ZNF385B: variants seen among roughly 807,000 people sequenced by gnomAD.
ZNF385B encodes the protein zinc finger protein 385B, also known as zinc finger protein 533.
Under a neutral mutation model 39.2 loss-of-function variants are expected in ZNF385B, and 23 were observed. The observed-to-expected ratio is 0.59, with a 90% CI of 0.42 to 0.83. ZNF385B has a LOEUF of 0.83. Among genes scored for constraint, ZNF385B ranks in the 40% least tolerant of loss-of-function variants. The probability of loss-of-function intolerance (pLI) is 0.00; values close to 1 mark genes in which losing one functional copy is unlikely to be tolerated. For missense variants in ZNF385B, 552 were observed against 598.9 expected (o/e 0.92, Z 0.82); for synonymous variants, 205 against 222.6 (o/e 0.92, Z 0.70).
At chr2:179,466,943 A>AG (rs1425241300) in intron 6 of ZNF385B, among the ~76,000 whole-genome samples, 8 of 146,010 alleles carry the variant, frequency 5.5e-5, no homozygotes, top group Non-Finnish European at 9.0e-5. Flanking sequence ...AAAAAAAAAA[A>AG]AGAGAGAGAG....
At chr2:179,642,681 T>A (rs1224461790) in intron 3 of ZNF385B, among the ~76,000 whole-genome samples, 5 of 152,186 alleles carry the variant, frequency 3.3e-5, no homozygotes, top group African/African-American at 1.2e-4. Context: ...AAAACAATAG[T>A]GTGTAAAACT....
intron 3 of ZNF385B, among the ~76,000 whole-genome samples, chr2:179,647,128 A>G (rs1692787683): frequency 1.3e-5 from 2 of 152,144 alleles, no homozygotes; most frequent in South Asian, 4.1e-4. Context: ...GCAAACTTCT[A>G]TTGCAGTCTG....
intron 1 of ZNF385B, among the ~76,000 whole-genome samples, chr2:179,810,576 A>G (rs182225779): frequency 2.9e-4 from 44 of 152,158 alleles, no homozygotes; most frequent in African/African-American, 9.1e-4. Context: ...ATGTAAATAA[A>G]TATGGATCCA....
At chr2:179,576,308 A>G (rs1352803314) in intron 3 of ZNF385B, 1 of 404,338 alleles carries the variant, frequency 2.5e-6, no homozygotes, top group Non-Finnish European at 3.3e-6. Context: ...TCTACTTAGA[A>G]TCCTTTTTTT....
intron 6 of ZNF385B, among the ~76,000 whole-genome samples, chr2:179,463,195 C>T (rs1161041552): frequency 6.6e-6 from 1 of 152,026 alleles, no homozygotes; most frequent in African/African-American, 2.4e-5. Context: ...CCTACCATTG[C>T]TCCAAATCTC....
At chr2:179,799,450 T>C (rs1705892778) in intron 1 of ZNF385B, among the ~76,000 whole-genome samples, 1 of 152,054 alleles carries the variant, frequency 6.6e-6, no homozygotes, top group South Asian at 2.1e-4. Flanking sequence ...CAGGAACAAA[T>C]ATTCCATTGA....
intron 3 of ZNF385B, among the ~76,000 whole-genome samples, chr2:179,735,595 CA>C (rs1701695621): frequency 6.9e-6 from 1 of 144,384 alleles, no homozygotes; most frequent in Non-Finnish European, 1.5e-5. Flanking sequence ...ATGTTTATTG[CA>C]GCATTATTCA....
chr2:179,454,895 A>C (rs542093506), intron 6 of ZNF385B, among the ~76,000 whole-genome samples: 1 of 152,340 alleles, frequency 6.6e-6, no homozygotes, highest in African/African-American at 2.4e-5. Flanking sequence ...ATAAAGTAAA[A>C]AGGTTACATT....
chr2:179,446,396 C>G (rs1281218574), intron 7 of ZNF385B, 129 bp downstream of exon 7: 2 of 1,299,614 alleles, frequency 1.5e-6, no homozygotes, highest in Non-Finnish European at 2.1e-6. Context: ...TAAAATCACT[C>G]CTTTGAATCA....
At chr2:179,829,725 C>T (rs368297893) in intron 1 of ZNF385B, among the ~76,000 whole-genome samples, 3 of 152,022 alleles carry the variant, frequency 2.0e-5, no homozygotes, top group East Asian at 1.9e-4. Flanking sequence ...GTGTTAGCCA[C>T]GATGGTCTCG....
chr2:179,470,356 G>T (rs534623720), intron 6 of ZNF385B, among the ~76,000 whole-genome samples: 1 of 152,290 alleles, frequency 6.6e-6, no homozygotes, highest in African/African-American at 2.4e-5. Context: ...TGCTCTGGCT[G>T]GAAAAGAAAA....
At chr2:179,592,334 A>G (rs755981205) in intron 3 of ZNF385B, among the ~76,000 whole-genome samples, 8 of 152,198 alleles carry the variant, frequency 5.3e-5, no homozygotes, top group African/African-American at 1.2e-4. Flanking sequence ...TTTATAACTC[A>G]TAAGTATAGC....
chr2:179,691,852 A>T (rs1698381090), intron 3 of ZNF385B, among the ~76,000 whole-genome samples: 1 of 149,058 alleles, frequency 6.7e-6, no homozygotes, highest in African/African-American at 2.6e-5. Context: ...TATTTTTTTA[A>T]AAAAATATTT....
intron 3 of ZNF385B, among the ~76,000 whole-genome samples, chr2:179,671,287 T>C (rs902842409): frequency 2.0e-4 from 30 of 152,304 alleles, no homozygotes; most frequent in Admixed American, 7.8e-4. Context: ...CTCAAAAATA[T>C]TCTCTTTTTC....
At chr2:179,701,747 G>A (rs966172905) in intron 3 of ZNF385B, among the ~76,000 whole-genome samples, 3 of 152,164 alleles carry the variant, frequency 2.0e-5, no homozygotes, top group African/African-American at 7.2e-5. Flanking sequence ...AGGTGCCTTT[G>A]CTGGGTACCT....
At position 179,541,240 on chromosome 2, in the gene ZNF385B, G is replaced by A. The variant is rs2059902173; in HGVS notation, c.441+3587C>T. On this transcript the variant is annotated intron_variant, in intron 4 of 9. Transcript: ENST00000410066. ...ATTTTTACATACATATGCATTGAGA[G>A]AGATTCTGTCAGTTGTGGTGCATAA... Among the ~76,000 whole-genome samples, 3 of 152,120 alleles carry A rather than the reference G, an allele frequency of 2.0e-5. No homozygotes were observed. The South Asian group carries it at 6.2e-4, about 32-fold the overall frequency.
chr2:179,450,489 A>G (rs2050001229), intron 6 of ZNF385B, among the ~76,000 whole-genome samples: 1 of 152,242 alleles, frequency 6.6e-6, no homozygotes, highest in Non-Finnish European at 1.5e-5. Flanking sequence ...GCCAAAAGAC[A>G]AATGAAAAAA....
At chr2:179,858,424 C>G (rs1487635014) in intron 1 of ZNF385B, among the ~76,000 whole-genome samples, 2 of 151,790 alleles carry the variant, frequency 1.3e-5, no homozygotes, top group Non-Finnish European at 2.9e-5. Context: ...GAGAGTAGAG[C>G]TAGGATGTCA....
intron 1 of ZNF385B, among the ~76,000 whole-genome samples, chr2:179,848,873 T>C (rs1447437687): frequency 6.6e-6 from 1 of 152,086 alleles, no homozygotes; most frequent in Non-Finnish European, 1.5e-5. Context: ...TTTCAGGTGT[T>C]GTAGAAAAGA....
Sources: gnomAD v4.1 joint callset for allele counts (sites outside exome capture counted in the v4.1 genomes callset) on GRCh38, gnomAD v4.1.1 for gene constraint, MANE v1.5 for transcripts, NCBI Gene and HGNC (gene_info 2026-07-23, HGNC 2026-07-21) for gene names.